The following TIAM1 variants were observed in gnomAD, a reference collection of about 807,000 sequenced individuals.
TIAM1 encodes the protein TIAM Rac1 associated GEF 1, also known as rho guanine nucleotide exchange factor TIAM1.
Under a neutral mutation model 163.5 loss-of-function variants are expected in TIAM1, and 65 were observed. The ratio of observed to expected loss-of-function variants is 0.40; its 90% CI spans 0.33 to 0.49. The LOEUF (loss-of-function observed/expected upper bound fraction) is 0.49. TIAM1 is among the 20% of genes least tolerant of loss of function. The pLI, the probability that TIAM1 is intolerant of heterozygous loss-of-function variation, is 0.77. For missense variants in TIAM1, 1,789 were observed against 2,044.7 expected (o/e 0.87, Z 2.41); for synonymous variants, 833 against 810.1 (o/e 1.03, Z -0.48).
chr21:31,155,704 A>C (rs60842708), intron 16 of TIAM1, among the ~76,000 whole-genome samples: 3,308 of 151,698 alleles, frequency 0.022, 113 homozygotes, highest in African/African-American at 0.072. Flanking sequence ...CGGGATTTCA[A>C]CATGTTGGCC....
chr21:31,435,686 T>C (rs1266794997), intron 2 of TIAM1, among the ~76,000 whole-genome samples: 2 of 152,238 alleles, frequency 1.3e-5, no homozygotes, highest in Non-Finnish European at 2.9e-5. Context: ...TGCCATGGTT[T>C]GAATGTGTTC....
At chr21:31,160,025 C>T (rs2083830040) in intron 16 of TIAM1, among the ~76,000 whole-genome samples, 1 of 152,204 alleles carries the variant, frequency 6.6e-6, no homozygotes, top group East Asian at 1.9e-4. Flanking sequence ...TATTTCCAGA[C>T]CTCCCTGCCG....
chr21:31,416,769 G>A (rs1006775150), intron 2 of TIAM1, among the ~76,000 whole-genome samples: 7 of 152,200 alleles, frequency 4.6e-5, no homozygotes, highest in African/African-American at 7.2e-5. Flanking sequence ...CACTTGCTCA[G>A]CGCTCTCAAC....
At chr21:31,246,394 C>T (rs2071503651) in intron 5 of TIAM1, among the ~76,000 whole-genome samples, 1 of 152,156 alleles carries the variant, frequency 6.6e-6, no homozygotes, top group Non-Finnish European at 1.5e-5. Flanking sequence ...AAGATGGCTT[C>T]CATAGACTCC....
In TIAM1 at chr21:31,118,895, C is replaced by CCTG; in HGVS notation, c.*1472_*1473insCAG. The CCTG allele has an allele frequency of 3.6e-6, 1 of 277,814 alleles. No homozygotes were observed. Among genetic ancestry groups the CCTG allele is most frequent in the Non-Finnish European group, 7.1e-6 (1 of 141,040 alleles). The allele number at this position is 277,814 out of a possible 1,614,324, so 17.2% of individuals were successfully genotyped here. On this transcript the variant is annotated 3_prime_UTR_variant, in exon 28 of 28. Transcript: ENST00000541036. Reference sequence around the variant, plus strand: ...AGGCACAAGAGCATGATGTACTGAACTCTCTATTGTCTGGAAATATAAAGT... The same window carrying CCTG: ...AGGCACAAGAGCATGATGTACTGAACCTGTCTCTATTGTCTGGAAATATAAAGT...
intron 2 of TIAM1, among the ~76,000 whole-genome samples, chr21:31,375,766 C>T (rs574563490): frequency 2.0e-5 from 3 of 152,258 alleles, no homozygotes; most frequent in East Asian, 1.9e-4. Context: ...TGGTGGCTCA[C>T]GCCTGTAATC....
chr21:31,355,320 T>C (rs1348548349), intron 2 of TIAM1, among the ~76,000 whole-genome samples: 1 of 152,168 alleles, frequency 6.6e-6, no homozygotes, highest in African/African-American at 2.4e-5. Context: ...TTTGTTTTCT[T>C]AAGGATAGTG....
intron 9 of TIAM1, among the ~76,000 whole-genome samples, chr21:31,216,705 G>A (rs1465573938): frequency 6.6e-6 from 1 of 152,094 alleles, no homozygotes; most frequent in African/African-American, 2.4e-5. Context: ...GCTATGTTGC[G>A]CCCTCACGAC....
chr21:31,478,405 G>A (rs1268670114), intron 1 of TIAM1, among the ~76,000 whole-genome samples: 1 of 152,146 alleles, frequency 6.6e-6, no homozygotes, highest in Non-Finnish European at 1.5e-5. Context: ...AGTTAAAAGT[G>A]AACAAATTAT....
intron 1 of TIAM1, among the ~76,000 whole-genome samples, chr21:31,527,381 C>T (rs1022569476): frequency 6.6e-6 from 1 of 152,160 alleles, no homozygotes; most frequent in South Asian, 2.1e-4. Context: ...TTAGGTGCCT[C>T]TCAACTTTGC....
At chr21:31,335,437 G>A (rs993062874) in intron 2 of TIAM1, among the ~76,000 whole-genome samples, 1 of 152,140 alleles carries the variant, frequency 6.6e-6, no homozygotes, top group Non-Finnish European at 1.5e-5. Flanking sequence ...CTCAAGCCAG[G>A]TGCGGTGGCT....
intron 15 of TIAM1, among the ~76,000 whole-genome samples, chr21:31,169,628 C>G (rs113003929): frequency 1.3e-5 from 2 of 151,950 alleles, no homozygotes; most frequent in East Asian, 1.9e-4. Flanking sequence ...TGAAAAAGTT[C>G]GCTAAAGGAT....
rs2072783351 is a variant in TIAM1, at chr21:31,266,558, C to T, written c.415G>A (p.Ala139Thr). Reference protein sequence around the residue: ...TEESRLYGDDATYLAEGGRRQ... With the variant: ...TEESRLYGDDTTYLAEGGRRQ... ...CTGCCTCCCTCAGCCAAATATGTAG[C>T]GTCATCCCCGTAAAGCCTGCTCTCC... The change falls in exon 4 of 28, where the codon GCT becomes ACT. Residue 139 changes from alanine to threonine, a missense_variant. By Grantham distance (58) the Ala-to-Thr change is moderately conservative. Coordinates refer to ENST00000541036, the MANE Select transcript of TIAM1 (RefSeq NM_001353694.2). The T allele has an allele frequency of 2.5e-6, 4 of 1,614,054 alleles. No individual in the cohort carries two copies. Among genetic ancestry groups the T allele is most frequent in the East Asian group, 2.2e-5 (1 of 44,896 alleles).
chr21:31,200,674 CA>C (rs1489808124), intron 12 of TIAM1, among the ~76,000 whole-genome samples: 7 of 150,872 alleles, frequency 4.6e-5, no homozygotes, highest in African/African-American at 1.7e-4. Context: ...ACCAATAATT[CA>C]AAAAATATTT....
At chr21:31,457,789 T>TC (rs374098687) in intron 2 of TIAM1, among the ~76,000 whole-genome samples, 2 of 152,182 alleles carry the variant, frequency 1.3e-5, no homozygotes, top group East Asian at 1.9e-4. Context: ...TAATCTTGTG[T>TC]CCCCCCACCT....
chr21:31,498,330 C>T (rs1287409642), intron 1 of TIAM1, among the ~76,000 whole-genome samples: 1 of 152,230 alleles, frequency 6.6e-6, no homozygotes, highest in Non-Finnish European at 1.5e-5. Context: ...TGAGCAAGCT[C>T]TCAGACAACC....
intron 3 of TIAM1, among the ~76,000 whole-genome samples, chr21:31,270,762 TG>T (rs1329268586): frequency 1.3e-5 from 2 of 152,190 alleles, no homozygotes; most frequent in African/African-American, 4.8e-5. Flanking sequence ...TTAGTGTTAG[TG>T]TATCTTATGT....
intron 1 of TIAM1, among the ~76,000 whole-genome samples, chr21:31,478,698 TTA>T (rs1357796525): frequency 6.6e-6 from 1 of 152,182 alleles, no homozygotes; most frequent in African/African-American, 2.4e-5. Flanking sequence ...TTACAACAAT[TTA>T]AAGACCACCA....
intron 2 of TIAM1, among the ~76,000 whole-genome samples, chr21:31,451,709 ATGTGTGTGCGTG>A (rs1555985501): frequency 4.8e-5 from 2 of 41,590 alleles, no homozygotes; most frequent in Admixed American, 1.6e-4. Context: ...GAGTGAAAGC[ATGTGTGTGCGTG>A]TGTGTGTGTG....
Sources: allele counts gnomAD v4.1 joint callset (sites outside exome capture counted in the v4.1 genomes callset), GRCh38; gene constraint gnomAD v4.1.1; transcripts MANE v1.5; gene names NCBI Gene and HGNC (gene_info 2026-07-23, HGNC 2026-07-21).